The following ZMIZ1 variants were observed in gnomAD, a reference collection of about 807,000 sequenced individuals.
ZMIZ1 encodes zinc finger MIZ-type containing 1, also known as zinc finger MIZ domain-containing protein 1.
A neutral mutation model predicts 113.9 loss-of-function variants in ZMIZ1; 17 were observed. The ratio of observed to expected loss-of-function variants is 0.15; its 90% CI spans 0.10 to 0.22. The LOEUF is 0.22. ZMIZ1 is among the 10% of genes least tolerant of loss of function. The probability of loss-of-function intolerance (pLI) is 1.00; values close to 1 mark genes in which losing one functional copy is unlikely to be tolerated. For synonymous variants in ZMIZ1, 607 were observed against 603.1 expected (o/e 1.01, Z -0.09); for missense variants, 1,059 against 1,477.8 (o/e 0.72, Z 4.65).
intron 7 of ZMIZ1, among the ~76,000 whole-genome samples, chr10:79,268,210 C>G (rs906337006): frequency 6.6e-6 from 1 of 152,222 alleles, no homozygotes; most frequent in Non-Finnish European, 1.5e-5. Flanking sequence ...GGCTGGCCCC[C>G]ACGCTGTATG....
At chr10:79,124,849 T>C (rs970951739) in intron 2 of ZMIZ1, among the ~76,000 whole-genome samples, 1 of 152,218 alleles carries the variant, frequency 6.6e-6, no homozygotes, top group African/African-American at 2.4e-5. Context: ...AGGCAGCCCC[T>C]GAGGGCCTTG....
chr10:79,149,361 G>C (rs1845618723), intron 3 of ZMIZ1, among the ~76,000 whole-genome samples: 1 of 152,364 alleles, frequency 6.6e-6, no homozygotes, highest in South Asian at 2.1e-4. Flanking sequence ...ATGGGCAGGA[G>C]AGGGGACTGG....
rs1165225074 is a variant in ZMIZ1, at chr10:79,215,695, GC to G, written c.175-471del. 5.3e-5 allele frequency among the ~76,000 whole-genome samples: 8 copies of G among 152,260 alleles called. No individual in the cohort carries two copies. In the South Asian group the frequency reaches 1.2e-3, roughly 24 times the overall value. ...AACAGGCCCCCCTGTGGTGCTGATA[GC>G]CCTGGAGTAGGAAGGGCAGTGAGCC... On this transcript the variant is annotated intron_variant, in intron 6 of 24. Coordinates refer to ENST00000334512, the MANE Select transcript of ZMIZ1 (RefSeq NM_020338.4).
intron 6 of ZMIZ1, 126 bp from the exon 7 acceptor site, chr10:79,216,043 C>T (rs1258779746): frequency 3.8e-6 from 2 of 527,634 alleles, no homozygotes; most frequent in Non-Finnish European, 6.4e-6. Context: ...CAGTGGACTT[C>T]TGGCTCTGCC....
At position 79,293,628 on chromosome 10, in the gene ZMIZ1, A is replaced by G; in HGVS notation, c.1205A>G (p.Asn402Ser). 1 of 1,613,088 alleles carries G rather than the reference A, an allele frequency of 6.2e-7. No individual in the cohort carries two copies. Among genetic ancestry groups the G allele is most frequent in the Non-Finnish European group, 8.5e-7 (1 of 1,180,020 alleles). The change falls in exon 12 of 25, where the codon AAC becomes AGC. Residue 402 changes from asparagine to serine, a missense_variant. Coordinates refer to ENST00000334512, the MANE Select transcript of ZMIZ1 (RefSeq NM_020338.4). ...GPRPQSLPIQ[N>S]IKRPYPGEPN... is the part of the protein sequence containing the mutation. Reference sequence around the variant, plus strand: ...CGGCCCCAGTCCCTTCCTATTCAGAACATAAAGAGGCCATACCCTGGAGAG... The same window carrying G: ...CGGCCCCAGTCCCTTCCTATTCAGAGCATAAAGAGGCCATACCCTGGAGAG...
intron 7 of ZMIZ1, among the ~76,000 whole-genome samples, chr10:79,216,882 G>A (rs1341497009): frequency 6.6e-6 from 1 of 152,248 alleles, no homozygotes; most frequent in Non-Finnish European, 1.5e-5. Context: ...GCAGTAAGCA[G>A]GGGCCATGGA....
At chr10:79,190,662 T>C (rs545728775) in intron 4 of ZMIZ1, among the ~76,000 whole-genome samples, 2 of 152,302 alleles carry the variant, frequency 1.3e-5, no homozygotes, top group South Asian at 4.1e-4. Context: ...CCCTGGGTCA[T>C]TCACACCCCC....
chr10:79,259,191 G>C (rs1269893), intron 7 of ZMIZ1, among the ~76,000 whole-genome samples: 106,862 of 152,064 alleles, frequency 0.7, 37,806 homozygotes, highest in East Asian at 0.92. Context: ...CTCCTGGACT[G>C]TTTAATTTGT....
chr10:79,296,677 C>A lies in ZMIZ1; in HGVS notation c.1413+24C>A. 1 of 1,523,492 alleles carries A rather than the reference C, an allele frequency of 6.6e-7. No homozygotes were observed. The highest frequency in any genetic ancestry group is 8.8e-7 in the Non-Finnish European group (1 of 1,134,440). 94.4% of individuals were successfully genotyped at this position (1,523,492 alleles called of 1,614,324 possible). On this transcript the variant is annotated intron_variant, in intron 13 of 24. Coordinates refer to ENST00000334512, the MANE Select transcript of ZMIZ1 (RefSeq NM_020338.4). The surrounding 1 kb of genome is among the most constrained non-coding windows in gnomAD (Gnocchi z 4.1). ...AGGTGAGTCCCAGCCTCGCCACCAC[C>A]CACGGGGCCCCTTCCCTCCTAACCA... is the stretch of plus-strand genomic sequence containing the variant.
chr10:79,071,131 G>A (rs934518912), intron 1 of ZMIZ1, among the ~76,000 whole-genome samples: 1 of 152,222 alleles, frequency 6.6e-6, no homozygotes, highest in Non-Finnish European at 1.5e-5. Context: ...TAAAAGGGCA[G>A]TGGGCGGCCG....
At chr10:79,191,373 C>T (rs897282720) in intron 4 of ZMIZ1, among the ~76,000 whole-genome samples, 15 of 151,198 alleles carry the variant, frequency 9.9e-5, no homozygotes, top group South Asian at 2.1e-4. Context: ...AGCTGGTGGT[C>T]GGGGGGGGTC....
chr10:79,211,797 G>T (rs1848536563), intron 6 of ZMIZ1, among the ~76,000 whole-genome samples: 1 of 152,220 alleles, frequency 6.6e-6, no homozygotes, highest in Non-Finnish European at 1.5e-5. Flanking sequence ...CAGTAGTCGG[G>T]CAGAGCAGCC....
rs145064762 is a variant in ZMIZ1 at position 79,311,945 on chromosome 10, C to T, written c.3097-697C>T. Among the ~76,000 whole-genome samples, 658 of 152,346 alleles carry T rather than the reference C, an allele frequency of 4.3e-3. 5 individuals are homozygous for T. The highest frequency in any genetic ancestry group is 0.015 in the African/African-American group (624 of 41,588). On this transcript the variant is annotated intron_variant, in intron 24 of 24. Transcript: ENST00000334512. ...TTCACCCCCAGCCCTGCTCTGTCAG[C>T]CTCTGCCCTGCAGCATCAGAGGAGC...
At chr10:79,126,852 CT>C (rs1844531802) in intron 2 of ZMIZ1, among the ~76,000 whole-genome samples, 1 of 152,166 alleles carries the variant, frequency 6.6e-6, no homozygotes, top group Non-Finnish European at 1.5e-5. Flanking sequence ...GAAGTATGGG[CT>C]TCCCCAGCAC....
chr10:79,164,448 C>T (rs537349593), intron 4 of ZMIZ1, among the ~76,000 whole-genome samples: 2 of 54,204 alleles, frequency 3.7e-5, no homozygotes, highest in East Asian at 7.7e-4. Context: ...GATTCTCATG[C>T]GTCTCTAGGT....
At chr10:79,077,752 A>T (rs1842523879) in intron 1 of ZMIZ1, among the ~76,000 whole-genome samples, 1 of 152,244 alleles carries the variant, frequency 6.6e-6, no homozygotes, top group Non-Finnish European at 1.5e-5. Flanking sequence ...TCTGTAAAAC[A>T]GGCTTACTAG....
intron 1 of ZMIZ1, among the ~76,000 whole-genome samples, chr10:79,085,914 G>T (rs546863558): frequency 6.6e-6 from 1 of 152,224 alleles, no homozygotes; most frequent in Non-Finnish European, 1.5e-5. Flanking sequence ...GCAGCACCGG[G>T]CACTGGAAGG....
rs11498057 is a variant in ZMIZ1, at chr10:79,114,504, T to C, written c.-336-4411T>C. Among the ~76,000 whole-genome samples the C allele has an allele frequency of 9.1e-5, 7 of 76,860 alleles. No homozygotes were observed. The South Asian group carries it at 2.4e-3, about 27-fold the overall frequency. The allele number at this position is 76,860 out of a possible 152,430, so 50.4% of individuals were successfully genotyped here. ...GTGTGTGTGTGTGTGCGTGTGTGTG[T>C]GCGTGTGTGTGTGTGTGTGTGTGTG... On this transcript the variant is annotated intron_variant, in intron 1 of 24. Transcript: ENST00000334512.
At chr10:79,204,435 T>A (rs920041046) in intron 5 of ZMIZ1, among the ~76,000 whole-genome samples, 10 of 152,168 alleles carry the variant, frequency 6.6e-5, no homozygotes, top group Non-Finnish European at 1.2e-4. Context: ...GCAAATCAGC[T>A]CATTCCTGCT....
Sources: allele counts gnomAD v4.1 joint callset (sites outside exome capture counted in the v4.1 genomes callset), GRCh38; gene constraint gnomAD v4.1.1; non-coding constraint Gnocchi (gnomAD v3.1); transcripts MANE v1.5; gene names NCBI Gene and HGNC (gene_info 2026-07-23, HGNC 2026-07-21).